ST8SIA2: variants seen among roughly 807,000 people sequenced by gnomAD.
ST8SIA2 encodes ST8 alpha-N-acetyl-neuraminide alpha-2,8-sialyltransferase 2.
A neutral mutation model predicts 37.6 loss-of-function variants in ST8SIA2; 22 were observed. The observed-to-expected ratio is 0.58, with a 90% CI of 0.42 to 0.83. The LOEUF (loss-of-function observed/expected upper bound fraction) is 0.83. Ranked by LOEUF, ST8SIA2 falls within the 40% of genes least tolerant of loss-of-function variation. ST8SIA2 has a pLI of 0.00. For synonymous variants in ST8SIA2, 205 were observed against 201.2 expected, an observed-to-expected ratio of 1.02 and a Z score of -0.16; for missense variants, 382 against 484.7, an observed-to-expected ratio of 0.79 and a Z score of 1.99.
intron 5 of ST8SIA2, among the ~76,000 whole-genome samples, chr15:92,460,798 G>A (rs567284050): frequency 6.6e-6 from 1 of 152,230 alleles, no homozygotes; most frequent in African/African-American, 2.4e-5. Flanking sequence ...GAAGGTGAAA[G>A]AACAAGGACT....
At chr15:92,428,520 G>A (rs2049692741) in intron 1 of ST8SIA2, among the ~76,000 whole-genome samples, 1 of 152,138 alleles carries the variant, frequency 6.6e-6, no homozygotes, top group Non-Finnish European at 1.5e-5. Flanking sequence ...GGTGGCATGT[G>A]AGCAGACAGT....
intron 1 of ST8SIA2, among the ~76,000 whole-genome samples, chr15:92,394,655 C>G (rs2049416826): frequency 6.6e-6 from 1 of 152,152 alleles, no homozygotes; most frequent in African/African-American, 2.4e-5. Context: ...CGGGGTTCTG[C>G]ATGGGCTACT....
intron 5 of ST8SIA2, among the ~76,000 whole-genome samples, chr15:92,463,509 C>T (rs1050508597): frequency 1.3e-5 from 2 of 152,082 alleles, no homozygotes; most frequent in Admixed American, 6.5e-5. Context: ...TGCAGATCCG[C>T]GAGGGGACGC....
At chr15:92,408,531 G>A (rs1050266952) in intron 1 of ST8SIA2, among the ~76,000 whole-genome samples, 2 of 152,076 alleles carry the variant, frequency 1.3e-5, no homozygotes, top group Non-Finnish European at 2.9e-5. Flanking sequence ...TAAGTTCCTT[G>A]AGGGAGGCTG....
At chr15:92,457,032 G>A (rs989016269) in intron 5 of ST8SIA2, among the ~76,000 whole-genome samples, 1 of 152,212 alleles carries the variant, frequency 6.6e-6, no homozygotes, top group East Asian at 1.9e-4. Context: ...CAGCACACCA[G>A]AGGCCTCAAC....
intron 5 of ST8SIA2, among the ~76,000 whole-genome samples, chr15:92,447,527 C>T (rs941809516): frequency 6.6e-6 from 1 of 152,206 alleles, no homozygotes; most frequent in African/African-American, 2.4e-5. Flanking sequence ...ACAGACTCCC[C>T]ACTGACTGAG....
chr15:92,445,162 G>A lies in ST8SIA2; in HGVS notation c.842+233G>A, dbSNP rs1395249369. 6 of 609,364 alleles carry A rather than the reference G, an allele frequency of 9.8e-6. No individual in the cohort carries two copies. The East Asian group carries it at 1.1e-4, about 12-fold the overall frequency. The allele number at this position is 609,364 out of a possible 1,614,324, so 37.7% of individuals were successfully genotyped here. On this transcript the variant is annotated intron_variant, in intron 5 of 5. Transcript: ENST00000268164. ...GACCAATGGGTAGTGCCTGCCTAGG[G>A]AACTGAGTTGAGAATGATCTTGGGG...
Position 92,446,181 on chromosome 15 carries a change from G to A in ST8SIA2, c.842+1252G>A, listed in dbSNP as rs140335063. 4.3e-4 allele frequency among the ~76,000 whole-genome samples: 66 copies of A among 152,238 alleles called. No homozygotes were observed. In the East Asian group the frequency reaches 0.012, roughly 28 times the overall value. On this transcript the variant is annotated intron_variant, in intron 5 of 5. Coordinates refer to ENST00000268164, the MANE Select transcript of ST8SIA2 (RefSeq NM_006011.4). ...ACTGGCTAGAAGTAAAACAGTGGGG[G>A]GCTGAAGCAGCTGGGGTTGACCATG...
intron 2 of ST8SIA2, among the ~76,000 whole-genome samples, chr15:92,431,675 C>T (rs942641462): frequency 2.0e-5 from 3 of 152,160 alleles, no homozygotes; most frequent in Non-Finnish European, 4.4e-5. Flanking sequence ...TCTCAACTCA[C>T]CAATCCAACG....
chr15:92,449,159 C>T lies in ST8SIA2; in HGVS notation c.842+4230C>T, dbSNP rs2049864133. On this transcript the variant is annotated intron_variant, in intron 5 of 5. Transcript: ENST00000268164. ...CCCAACAGTTTTTCAACCCTTTCCC[C>T]ATTCCCTTCTTCTCCAGTGTCTACT... Among the ~76,000 whole-genome samples the T allele has an allele frequency of 2.6e-5, 4 of 152,190 alleles. No individual in the cohort carries two copies. In the East Asian group the frequency reaches 7.7e-4, roughly 29 times the overall value.
intron 5 of ST8SIA2, among the ~76,000 whole-genome samples, chr15:92,446,293 C>G (rs1037505580): frequency 6.6e-6 from 1 of 152,174 alleles, no homozygotes; most frequent in African/African-American, 2.4e-5. Context: ...GCATAGTAGC[C>G]TTAGAGTGGT....
chr15:92,429,379 T>C (rs1474345386), intron 1 of ST8SIA2, among the ~76,000 whole-genome samples: 4 of 152,074 alleles, frequency 2.6e-5, no homozygotes, highest in African/African-American at 7.2e-5. Context: ...CAGAACCGAA[T>C]AGAGTGTAGG....
Position 92,435,040 on chromosome 15 carries a change from C to A in ST8SIA2, c.290+665C>A, listed in dbSNP as rs1170939422. On this transcript the variant is annotated intron_variant, in intron 3 of 5. Coordinates refer to ENST00000268164, the MANE Select transcript of ST8SIA2 (RefSeq NM_006011.4). ...GGAATTACAACTTCGGCATTTTGGA[C>A]ACTTAGCTTAGATATAGCCATGATT... 2.0e-5 allele frequency among the ~76,000 whole-genome samples: 3 copies of A among 152,202 alleles called. No individual in the cohort carries two copies. The East Asian group carries it at 5.8e-4, about 29-fold the overall frequency.
Position 92,393,928 on chromosome 15 carries a change from C to T in ST8SIA2, c.-137C>T, listed in dbSNP as rs2049408688. ...CCGCTGCCGCTGCCGCTGCCGCCGC[C>T]GGCCCGGACTCGTCCGGAGCGCAGG... On this transcript the variant is annotated 5_prime_UTR_variant, in exon 1 of 6. Transcript: ENST00000268164. 5.9e-6 allele frequency: 2 copies of T among 336,218 alleles called. No homozygotes were observed. The highest frequency in any genetic ancestry group is 4.8e-6 in the Non-Finnish European group (1 of 207,314). The allele number at this position is 336,218 out of a possible 1,614,324, so 20.8% of individuals were successfully genotyped here.
chr15:92,409,069 C>T (rs2049530732), intron 1 of ST8SIA2, among the ~76,000 whole-genome samples: 1 of 152,166 alleles, frequency 6.6e-6, no homozygotes, highest in South Asian at 2.1e-4. Flanking sequence ...GGGGAAAGAC[C>T]AGCCCACAGT....
chr15:92,432,822 C>T (rs1364778226), intron 2 of ST8SIA2, among the ~76,000 whole-genome samples: 1 of 152,124 alleles, frequency 6.6e-6, no homozygotes, highest in Non-Finnish European at 1.5e-5. Flanking sequence ...TAAGCGAAGT[C>T]CTTCTCTACC....
At chr15:92,399,338 A>C (rs890546486) in intron 1 of ST8SIA2, among the ~76,000 whole-genome samples, 2 of 152,222 alleles carry the variant, frequency 1.3e-5, no homozygotes, top group African/African-American at 4.8e-5. Context: ...GATGCCATCC[A>C]GTACACCACG....
intron 1 of ST8SIA2, among the ~76,000 whole-genome samples, chr15:92,416,830 G>T (rs1004642286): frequency 6.6e-6 from 1 of 152,056 alleles, no homozygotes; most frequent in Non-Finnish European, 1.5e-5. Context: ...AGCAGGCCCC[G>T]CTCTGAACGG....
intron 5 of ST8SIA2, among the ~76,000 whole-genome samples, chr15:92,449,305 G>C (rs768659105): frequency 6.6e-6 from 1 of 152,178 alleles, no homozygotes; most frequent in African/African-American, 2.4e-5. Context: ...CTAGTTATTA[G>C]ATCATCAGGG....
Sources: allele counts gnomAD v4.1 joint callset (sites outside exome capture counted in the v4.1 genomes callset), GRCh38; gene constraint gnomAD v4.1.1; transcripts MANE v1.5; gene names NCBI Gene and HGNC (gene_info 2026-07-23, HGNC 2026-07-21).